GRM7: variants seen among roughly 807,000 people sequenced by gnomAD.
GRM7 encodes the protein glutamate metabotropic receptor 7.
A neutral mutation model predicts 84.5 loss-of-function variants in GRM7; 35 were observed. The observed-to-expected ratio is 0.41, with a 90% CI of 0.32 to 0.55. GRM7 has a LOEUF of 0.55. GRM7 is among the 20% of genes least tolerant of loss of function. The probability of loss-of-function intolerance (pLI) is 0.19; values close to 1 mark genes in which losing one functional copy is unlikely to be tolerated. For synonymous variants in GRM7, 487 were observed against 455.1 expected, an observed-to-expected ratio of 1.07 and a Z score of -0.89; for missense variants, 1,003 against 1,194.6, an observed-to-expected ratio of 0.84 and a Z score of 2.36.
At chr3:6,910,714 C>A (rs1365201842) in intron 1 of GRM7, among the ~76,000 whole-genome samples, 1 of 152,090 alleles carries the variant, frequency 6.6e-6, no homozygotes, top group East Asian at 1.9e-4. Context: ...AGCAAGAACC[C>A]ACCTCTTAAC....
chr3:7,440,603 C>G (rs1697247755), intron 5 of GRM7, among the ~76,000 whole-genome samples: 1 of 152,114 alleles, frequency 6.6e-6, no homozygotes, highest in African/African-American at 2.4e-5. Context: ...TGTTGTCACA[C>G]AGGTGATAAA....
chr3:7,263,151 T>C (rs932741044), intron 2 of GRM7, among the ~76,000 whole-genome samples: 3 of 152,216 alleles, frequency 2.0e-5, no homozygotes, highest in Admixed American at 6.5e-5. Flanking sequence ...ATAAGGTGGA[T>C]TCGGTCAACT....
At chr3:7,651,037 G>C (rs1264252684) in intron 8 of GRM7, among the ~76,000 whole-genome samples, 1 of 112,402 alleles carries the variant, frequency 8.9e-6, no homozygotes, top group Non-Finnish European at 2.2e-5. Context: ...GGGAAAGAAG[G>C]CAGCCTCTTT....
Position 7,426,126 on chromosome 3 carries a change from C to CT in GRM7, c.1174+10973dup, listed in dbSNP as rs543952830. On this transcript the variant is annotated intron_variant, in intron 5 of 9. Transcript: ENST00000357716. ...TCTTTCTTTCTTTCTTTTTCTTTTT[C>CT]TTTTTTTTTTGAGATGGAGTTTTGC... 4.9e-3 allele frequency among the ~76,000 whole-genome samples: 723 copies of CT among 147,980 alleles called. 1 individual carries two copies. The highest frequency in any genetic ancestry group is 6.6e-3 in the African/African-American group (265 of 40,372).
rs1231144256 is a variant in GRM7, at chr3:6,863,975, G to A, written c.519+2068G>A. 1.3e-5 allele frequency among the ~76,000 whole-genome samples: 2 copies of A among 152,074 alleles called. No individual in the cohort carries two copies. The highest frequency in any genetic ancestry group is 2.9e-5 in the Non-Finnish European group (2 of 68,012). Reference sequence around the variant, plus strand: ...CCAGGGGGAGCTGATTCCTTCTCTGGTGTGTGAACCTGAGGCAACTTGCTA... The same window carrying A: ...CCAGGGGGAGCTGATTCCTTCTCTGATGTGTGAACCTGAGGCAACTTGCTA... On this transcript the variant is annotated intron_variant, in intron 1 of 9. Transcript: ENST00000357716. The surrounding 1 kb of genome is among the most constrained non-coding windows in gnomAD (Gnocchi z 4.8).
intron 9 of GRM7, among the ~76,000 whole-genome samples, chr3:7,719,829 A>G: frequency 9.0e-6 from 1 of 111,574 alleles, no homozygotes; most frequent in Admixed American, 9.0e-5. Flanking sequence ...CACACACAGA[A>G]ATGATAACCT....
At chr3:7,498,888 C>T (rs1174681139) in intron 7 of GRM7, among the ~76,000 whole-genome samples, 2 of 152,196 alleles carry the variant, frequency 1.3e-5, no homozygotes, top group East Asian at 3.9e-4. Context: ...CCTCCTTCCA[C>T]TGGGGTGAAT....
intron 1 of GRM7, among the ~76,000 whole-genome samples, chr3:6,995,909 G>T (rs1337797402): frequency 6.6e-6 from 1 of 152,070 alleles, no homozygotes; most frequent in Non-Finnish European, 1.5e-5. Flanking sequence ...GGTTTAAAAA[G>T]ATGTGAAAGG....
intron 4 of GRM7, among the ~76,000 whole-genome samples, chr3:7,341,554 G>A (rs1692634534): frequency 6.6e-6 from 1 of 152,024 alleles, no homozygotes; most frequent in South Asian, 2.1e-4. Flanking sequence ...AGAGCTTGCA[G>A]TCTAGTATAT....
chr3:6,973,731 A>G (rs1693865745), intron 1 of GRM7, among the ~76,000 whole-genome samples: 1 of 152,214 alleles, frequency 6.6e-6, no homozygotes, highest in Admixed American at 6.5e-5. Flanking sequence ...ATGTGCCTAG[A>G]ATATTCAAAG....
intron 4 of GRM7, among the ~76,000 whole-genome samples, chr3:7,392,991 C>T (rs372360989): frequency 7.2e-5 from 11 of 152,216 alleles, no homozygotes; most frequent in African/African-American, 2.6e-4. Context: ...GGTCAGGATG[C>T]AGCCCAGAGT....
chr3:7,157,955 T>G (rs954321074), intron 2 of GRM7, among the ~76,000 whole-genome samples: 1 of 152,104 alleles, frequency 6.6e-6, no homozygotes, highest in Non-Finnish European at 1.5e-5. Flanking sequence ...GGGATAAGGA[T>G]GAGAATCTCC....
chr3:7,584,626 TGC>T (rs1383493905), intron 8 of GRM7, among the ~76,000 whole-genome samples: 2 of 152,136 alleles, frequency 1.3e-5, no homozygotes, highest in Non-Finnish European at 2.9e-5. Flanking sequence ...AGTGCTTGAG[TGC>T]GAAAAGCAGC....
At chr3:7,686,397 T>A in intron 9 of GRM7, 1 of 1,560,810 alleles carries the variant, frequency 6.4e-7, no homozygotes, top group Non-Finnish European at 8.8e-7. Flanking sequence ...AAAAGTCTGT[T>A]ACTTGGTACA....
intron 7 of GRM7, among the ~76,000 whole-genome samples, chr3:7,503,511 T>C (rs1422497943): frequency 2.0e-5 from 3 of 152,174 alleles, no homozygotes; most frequent in Non-Finnish European, 4.4e-5. Context: ...TACCCACTAT[T>C]TGGCACTTCT....
chr3:6,893,021 A>T (rs1450762171), intron 1 of GRM7: 1 of 152,220 alleles, frequency 6.6e-6, no homozygotes, highest in African/African-American at 2.4e-5. Flanking sequence ...TGATGACGAT[A>T]GCATCAGTAA....
chr3:7,302,426 T>C (rs750225468), intron 3 of GRM7, among the ~76,000 whole-genome samples: 4 of 152,184 alleles, frequency 2.6e-5, no homozygotes, highest in Non-Finnish European at 5.9e-5. Context: ...TACATAAATA[T>C]ACTAAACTGA....
chr3:7,086,708 A>C (rs1698470263), intron 1 of GRM7, among the ~76,000 whole-genome samples: 1 of 152,214 alleles, frequency 6.6e-6, no homozygotes, highest in Non-Finnish European at 1.5e-5. Flanking sequence ...AGAAAGCAGC[A>C]AGACTTTAGC....
intron 4 of GRM7, among the ~76,000 whole-genome samples, chr3:7,360,803 T>G (rs1693627978): frequency 6.6e-6 from 1 of 152,136 alleles, no homozygotes. Context: ...CGTAGCATAC[T>G]GAGTTGAACT....
Sources: allele counts gnomAD v4.1 joint callset (sites outside exome capture counted in the v4.1 genomes callset), GRCh38; gene constraint gnomAD v4.1.1; non-coding constraint Gnocchi (gnomAD v3.1); transcripts MANE v1.5; gene names NCBI Gene and HGNC (gene_info 2026-07-23, HGNC 2026-07-21).